RANBP17: variants seen among roughly 807,000 people sequenced by gnomAD.
RANBP17 encodes the protein RAN binding protein 17, also known as ran-binding protein 17.
RANBP17 carries 158 observed loss-of-function variants against 141.2 expected under a neutral mutation model. The observed-to-expected ratio is 1.12, with a 90% confidence interval of 0.98 to 1.28. The LOEUF is 1.28. RANBP17 is among the 50% of genes most tolerant of loss of function. The pLI is 0.00. For synonymous variants in RANBP17, 430 were observed against 450.0 expected, an observed-to-expected ratio of 0.96 and a Z score of 0.56; for missense variants, 1,438 against 1,290.7, an observed-to-expected ratio of 1.11 and a Z score of -1.75.
chr5:171,123,795 CTACTGCACCCACGCAGGGAGCACAT>C (rs1237458625), intron 14 of RANBP17, among the ~76,000 whole-genome samples: 6 of 152,352 alleles, frequency 3.9e-5, no homozygotes, highest in African/African-American at 1.4e-4. Context: ...AAGGAATTGG[CTACTGCACCCACGCAGGGAGCACAT>C]TACTGCACCT....
intron 14 of RANBP17, among the ~76,000 whole-genome samples, chr5:171,047,628 CA>C (rs1291922628): frequency 6.6e-6 from 1 of 150,440 alleles, no homozygotes; most frequent in Non-Finnish European, 1.5e-5. Flanking sequence ...TTAGTAGAGA[CA>C]GGGTTTCACC....
At chr5:170,906,088 C>T (rs2127412640) in intron 5 of RANBP17, among the ~76,000 whole-genome samples, 1 of 152,140 alleles carries the variant, frequency 6.6e-6, no homozygotes, top group Admixed American at 6.5e-5. Flanking sequence ...ATTTCCTACA[C>T]ACAAGGACGT....
chr5:171,023,040 T>A (rs1285131461), intron 14 of RANBP17, among the ~76,000 whole-genome samples: 2 of 152,230 alleles, frequency 1.3e-5, no homozygotes, highest in Non-Finnish European at 2.9e-5. Context: ...CCCTGCCCCA[T>A]GTGGCTCAGA....
Position 171,241,162 on chromosome 5 carries a change from G to C in RANBP17, c.2637+20G>C. The stretch of plus-strand genomic sequence containing the variant: ...TTGCTAGTAAGCAATCATGCATCAT[G>C]GGAGTGTTTGTATGAAATGTGAAGT... On this transcript the variant is annotated intron_variant, in intron 23 of 27. Transcript: ENST00000523189. 1.3e-6 allele frequency: 2 copies of C among 1,572,434 alleles called. No individual in the cohort carries two copies. Among genetic ancestry groups the C allele is most frequent in the South Asian group, 2.2e-5 (2 of 89,360 alleles).
chr5:170,882,355 C>G (rs563095884), intron 3 of RANBP17, among the ~76,000 whole-genome samples: 2 of 152,300 alleles, frequency 1.3e-5, no homozygotes, highest in Admixed American at 1.3e-4. Context: ...GCCAGGATTA[C>G]AGATGTGAAC....
intron 14 of RANBP17, among the ~76,000 whole-genome samples, chr5:171,014,408 C>T (rs868369311): frequency 2.6e-5 from 4 of 152,004 alleles, no homozygotes; most frequent in East Asian, 1.9e-4. Context: ...TTCTTTGGAT[C>T]GAACATTTAG....
intron 14 of RANBP17, among the ~76,000 whole-genome samples, chr5:171,169,697 TTAAA>T (rs10526761): frequency 0.57 from 85,734 of 151,464 alleles, 26,087 homozygotes; most frequent in South Asian, 0.77. Context: ...TATAACTGCC[TTAAA>T]TAATCCTGAA....
chr5:170,991,432 C>A (rs757972101), intron 14 of RANBP17, among the ~76,000 whole-genome samples: 2 of 151,920 alleles, frequency 1.3e-5, no homozygotes, highest in African/African-American at 2.4e-5. Context: ...AAGGTAGTCA[C>A]CGTATTCGGG....
chr5:171,250,311 C>G (rs757491457), intron 24 of RANBP17, among the ~76,000 whole-genome samples: 5 of 152,028 alleles, frequency 3.3e-5, no homozygotes, highest in South Asian at 2.1e-4. Context: ...TGAAAACACA[C>G]AAGAGTTTAA....
intron 5 of RANBP17, chr5:170,903,632 A>G: frequency 3.9e-6 from 1 of 258,138 alleles, no homozygotes; most frequent in Non-Finnish European, 8.4e-6. Context: ...ACTTGACCTC[A>G]TAATGGCATC....
intron 18 of RANBP17, among the ~76,000 whole-genome samples, chr5:171,184,873 T>G (rs1346744647): frequency 1.3e-5 from 2 of 152,152 alleles, no homozygotes; most frequent in Non-Finnish European, 2.9e-5. Context: ...TTTAAAATAC[T>G]TTATTGCGGC....
chr5:171,115,292 T>G (rs1755539141), intron 14 of RANBP17, among the ~76,000 whole-genome samples: 1 of 152,152 alleles, frequency 6.6e-6, no homozygotes, highest in African/African-American at 2.4e-5. Flanking sequence ...TATTAGCAAA[T>G]TCTACTCCCA....
At chr5:171,063,108 T>C (rs1168136402) in intron 14 of RANBP17, among the ~76,000 whole-genome samples, 1 of 152,202 alleles carries the variant, frequency 6.6e-6, no homozygotes, top group African/African-American at 2.4e-5. Flanking sequence ...GGTTTGAATT[T>C]CCTCTTATAG....
In RANBP17 at chr5:170,988,287, ATTT is replaced by A. The variant is rs575208341; in HGVS notation, c.1710+19920_1710+19922del. Among the ~76,000 whole-genome samples, 612 of 144,040 alleles carry A rather than the reference ATTT, an allele frequency of 4.2e-3. 5 individuals are homozygous for A. The highest frequency in any genetic ancestry group is 0.015 in the African/African-American group (590 of 39,772). 94.5% of individuals were successfully genotyped at this position (144,040 alleles called of 152,430 possible). ...TCGAGTAATTATAGTTTGATGATTG[ATTT>A]TTTTTTTTTAAGTAAGGGAGAGGGT... On this transcript the variant is annotated intron_variant, in intron 14 of 27. Transcript: ENST00000523189.
intron 12 of RANBP17, among the ~76,000 whole-genome samples, chr5:170,947,284 A>G (rs1774843116): frequency 6.6e-6 from 1 of 152,138 alleles, no homozygotes; most frequent in South Asian, 2.1e-4. Context: ...TTCTTAATTC[A>G]GTAACCCATA....
intron 14 of RANBP17, among the ~76,000 whole-genome samples, chr5:170,997,053 T>TC (rs1778864771): frequency 6.6e-6 from 1 of 152,072 alleles, no homozygotes; most frequent in Non-Finnish European, 1.5e-5. Context: ...GGGGGCAGTT[T>TC]CCCCCCATGC....
At chr5:170,889,260 T>G (rs527321147) in intron 3 of RANBP17, among the ~76,000 whole-genome samples, 44 of 152,184 alleles carry the variant, frequency 2.9e-4, no homozygotes, top group African/African-American at 1.0e-3. Context: ...AATTTTGAGG[T>G]GTGTATCGTC....
rs146131932 is a variant in RANBP17 at position 171,217,227 on chromosome 5, T to C, written c.2339+3489T>C. On this transcript the variant is annotated intron_variant, in intron 21 of 27. Transcript: ENST00000523189. Reference sequence around the variant, plus strand: ...TGGATTATGTTTATTGATTTGCATATGTTGAACCAGCTTTGCATCCCAGGG... The same window carrying C: ...TGGATTATGTTTATTGATTTGCATACGTTGAACCAGCTTTGCATCCCAGGG... Among the ~76,000 whole-genome samples the C allele has an allele frequency of 6.8e-3, 1,043 of 152,322 alleles. 14 individuals are homozygous for C. Among genetic ancestry groups the C allele is most frequent in the African/African-American group, 0.024 (1,005 of 41,552 alleles).
chr5:171,130,547 CT>C lies in RANBP17; in HGVS notation c.1711-39582del, dbSNP rs1756837793. Among the ~76,000 whole-genome samples, 3 of 148,384 alleles carry C rather than the reference CT, an allele frequency of 2.0e-5. No homozygotes were observed. The South Asian group carries it at 6.4e-4, about 32-fold the overall frequency. On this transcript the variant is annotated intron_variant, in intron 14 of 27. Coordinates refer to ENST00000523189, the MANE Select transcript of RANBP17 (RefSeq NM_022897.5). ...CTCCTCTGGGGTTCAGGCGATTCTC[CT>C]GCCTCAGCCTCCCAAGTAGCTGGGA...
Sources: gnomAD v4.1 joint callset for allele counts (sites outside exome capture counted in the v4.1 genomes callset) on GRCh38, gnomAD v4.1.1 for gene constraint, MANE v1.5 for transcripts, NCBI Gene and HGNC (gene_info 2026-07-23, HGNC 2026-07-21) for gene names.